TANC2: variants seen among roughly 807,000 people sequenced by gnomAD.
The protein encoded by TANC2 is tetratricopeptide repeat, ankyrin repeat and coiled-coil containing 2, also known as protein TANC2.
A neutral mutation model predicts 210.5 loss-of-function variants in TANC2; 26 were observed. That is an observed-to-expected ratio of 0.12 (90% CI 0.09 to 0.17). The LOEUF is 0.17. Among genes scored for constraint, TANC2 ranks in the 10% least tolerant of loss-of-function variants. The probability of loss-of-function intolerance (pLI) is 1.00; values close to 1 mark genes in which losing one functional copy is unlikely to be tolerated. For synonymous variants in TANC2, 931 were observed against 967.1 expected, an observed-to-expected ratio of 0.96 and a Z score of 0.69; for missense variants, 2,129 against 2,608.9, an observed-to-expected ratio of 0.82 and a Z score of 4.01.
At chr17:63,371,682 G>A (rs892621532) in intron 14 of TANC2, among the ~76,000 whole-genome samples, 5 of 152,098 alleles carry the variant, frequency 3.3e-5, no homozygotes, top group Non-Finnish European at 7.4e-5. Flanking sequence ...TATCTCCTGG[G>A]GTGCTAAGTG....
At chr17:63,314,250 G>A (rs1293632825) in intron 9 of TANC2, 138 bp from the exon 10 acceptor site, 8 of 882,620 alleles carry the variant, frequency 9.1e-6, no homozygotes, top group Non-Finnish European at 1.4e-5. Flanking sequence ...AACATTCGCA[G>A]TTGCATTATT....
chr17:63,195,634 T>C (rs556993145), intron 6 of TANC2, among the ~76,000 whole-genome samples: 5 of 152,166 alleles, frequency 3.3e-5, no homozygotes, highest in African/African-American at 1.2e-4. Context: ...CTGTCATTAC[T>C]AGGTGCACAG....
chr17:63,045,051 C>G (rs1312811599), intron 2 of TANC2, among the ~76,000 whole-genome samples: 1 of 152,084 alleles, frequency 6.6e-6, no homozygotes, highest in East Asian at 1.9e-4. Flanking sequence ...ATTTTCCAAT[C>G]ATTCCGAAAA....
chr17:63,326,146 T>G (rs1193424805), intron 11 of TANC2, among the ~76,000 whole-genome samples: 2 of 152,188 alleles, frequency 1.3e-5, no homozygotes, highest in East Asian at 3.9e-4. Context: ...TGAGGCATAC[T>G]GTAAAGCCTA....
At chr17:63,116,759 T>G (rs2038266112) in intron 4 of TANC2, among the ~76,000 whole-genome samples, 1 of 152,220 alleles carries the variant, frequency 6.6e-6, no homozygotes, top group African/African-American at 2.4e-5. Flanking sequence ...TCTAAGTATT[T>G]AAAAATGAAT....
chr17:63,152,752 C>T (rs1207426093), intron 5 of TANC2: 1 of 151,870 alleles, frequency 6.6e-6, no homozygotes, highest in Non-Finnish European at 1.5e-5. Context: ...AGAAGGAAAA[C>T]CCTATCAGAG....
chr17:63,406,197 C>G (rs1271839894), exon 21 of TANC2: 1 of 1,613,928 alleles, frequency 6.2e-7, no homozygotes, highest in Non-Finnish European at 8.5e-7. Flanking sequence ...GTCAACATGG[C>G]AGACAAGCAG....
At position 63,027,400 on chromosome 17, in the gene TANC2, G is replaced by A. The variant is rs115293206; in HGVS notation, c.67+17774G>A. Reference sequence around the variant, plus strand: ...AAATATATGATTTTGTCCTTAATACGCTATTTTTCATAGGTATATTTTGAT... The same window carrying A: ...AAATATATGATTTTGTCCTTAATACACTATTTTTCATAGGTATATTTTGAT... On this transcript the variant is annotated intron_variant, in intron 2 of 27. Coordinates refer to ENST00000689528, the Ensembl canonical transcript of TANC2. Among the ~76,000 whole-genome samples the A allele has an allele frequency of 4.5e-3, 687 of 151,860 alleles. 4 individuals carry two copies. The highest frequency in any genetic ancestry group is 0.014 in the African/African-American group (567 of 41,448).
chr17:63,347,967 G>A (rs569480263), intron 12 of TANC2, among the ~76,000 whole-genome samples: 1 of 151,922 alleles, frequency 6.6e-6, no homozygotes, highest in East Asian at 1.9e-4. Context: ...AGTGTCTCAC[G>A]ATGTTGCCCA....
At chr17:63,298,318 A>G (rs991397627) in intron 9 of TANC2, among the ~76,000 whole-genome samples, 2 of 152,210 alleles carry the variant, frequency 1.3e-5, no homozygotes, top group African/African-American at 4.8e-5. Flanking sequence ...TCAGTGGATG[A>G]ATGGATAAGC....
intron 5 of TANC2, among the ~76,000 whole-genome samples, chr17:63,166,774 G>A (rs1238167841): frequency 6.6e-6 from 1 of 151,744 alleles, no homozygotes; most frequent in Non-Finnish European, 1.5e-5. Flanking sequence ...CCATGCAGAT[G>A]GCTACAAAAG....
chr17:62,996,938 C>G (rs778255554), intron 1 of TANC2, among the ~76,000 whole-genome samples: 2 of 148,558 alleles, frequency 1.3e-5, no homozygotes, highest in Non-Finnish European at 3.0e-5. Flanking sequence ...CTCAGCCTCC[C>G]AAGTAGCTGC....
intron 9 of TANC2, among the ~76,000 whole-genome samples, chr17:63,303,799 A>T (rs1334981404): frequency 6.6e-6 from 1 of 150,674 alleles, no homozygotes; most frequent in African/African-American, 2.4e-5. Context: ...GTTCCTTTTC[A>T]TTCTTTTTTC....
At chr17:63,165,029 T>G (rs756154115) in intron 5 of TANC2, among the ~76,000 whole-genome samples, 19 of 152,168 alleles carry the variant, frequency 1.2e-4, no homozygotes, top group Middle Eastern at 3.4e-3. Flanking sequence ...CACCTGTAAT[T>G]CCAACACTTT....
chr17:63,019,967 G>A (rs1229595294), intron 2 of TANC2, among the ~76,000 whole-genome samples: 1 of 152,094 alleles, frequency 6.6e-6, no homozygotes, highest in Non-Finnish European at 1.5e-5. Flanking sequence ...CGCTCTTGTT[G>A]CCAGGCTGGA....
At chr17:63,310,200 A>T (rs1184254316) in intron 9 of TANC2, among the ~76,000 whole-genome samples, 1 of 152,184 alleles carries the variant, frequency 6.6e-6, no homozygotes, top group Non-Finnish European at 1.5e-5. Context: ...TAATCCCAGC[A>T]CTTTGGGAGG....
At chr17:63,150,335 C>G (rs1598478817) in intron 4 of TANC2, 1 of 152,150 alleles carries the variant, frequency 6.6e-6, no homozygotes, top group Non-Finnish European at 1.5e-5. Context: ...TTTAATAGAA[C>G]TCAGTTTGAA....
intron 25 of TANC2, among the ~76,000 whole-genome samples, chr17:63,415,184 T>C (rs2048820231): frequency 6.6e-6 from 1 of 152,192 alleles, no homozygotes; most frequent in Non-Finnish European, 1.5e-5. Flanking sequence ...TAGGAAGTCA[T>C]ATGTGTTATA....
At chr17:63,391,382 A>G (rs2047968019) in intron 17 of TANC2, 1 of 152,224 alleles carries the variant, frequency 6.6e-6, no homozygotes, top group Admixed American at 6.5e-5. Context: ...AGGATCAGAC[A>G]CAACTGGGTT....
Sources: gnomAD v4.1 joint callset for allele counts (sites outside exome capture counted in the v4.1 genomes callset) on GRCh38, gnomAD v4.1.1 for gene constraint, MANE v1.5 for transcripts, NCBI Gene and HGNC (gene_info 2026-07-23, HGNC 2026-07-21) for gene names.